FGF18: variants seen among roughly 807,000 people sequenced by gnomAD.
The protein encoded by FGF18 is fibroblast growth factor 18.
A neutral mutation model predicts 23.0 loss-of-function variants in FGF18; 5 were observed. That is an observed-to-expected ratio of 0.22 (90% CI 0.11 to 0.46). FGF18 has a LOEUF of 0.46. Among genes scored for constraint, FGF18 ranks in the 20% least tolerant of loss-of-function variants. The pLI is 0.99. For synonymous variants in FGF18, 117 were observed against 118.9 expected (o/e 0.98, Z 0.10); for missense variants, 180 against 291.6 (o/e 0.62, Z 2.79).
intron 3 of FGF18, among the ~76,000 whole-genome samples, chr5:171,448,557 T>A (rs1219070678): frequency 6.6e-6 from 1 of 152,102 alleles, no homozygotes; most frequent in African/African-American, 2.4e-5. Context: ...TCTGTCCCCT[T>A]GGTCCCCTTA....
intron 2 of FGF18, among the ~76,000 whole-genome samples, chr5:171,424,612 G>C (rs1772064131): frequency 6.6e-6 from 1 of 152,224 alleles, no homozygotes; most frequent in Non-Finnish European, 1.5e-5. Flanking sequence ...GGCCCATGGA[G>C]TCCTTAGAGA....
At chr5:171,449,359 C>CAGTGTG (rs1772459789) in intron 4 of FGF18, 106 bp downstream of exon 4, 3 of 246,440 alleles carry the variant, frequency 1.2e-5, no homozygotes, top group East Asian at 9.9e-5. Context: ...GGAAAACAGG[C>CAGTGTG]CGTGTGTGTG....
chr5:171,422,731 C>T (rs2113325298), intron 2 of FGF18, among the ~76,000 whole-genome samples: 1 of 152,264 alleles, frequency 6.6e-6, no homozygotes, highest in South Asian at 2.1e-4. Context: ...GGGTAGGCTG[C>T]ACTTAGCGGG....
chr5:171,430,943 A>G (rs977557886), intron 2 of FGF18, among the ~76,000 whole-genome samples: 1 of 152,206 alleles, frequency 6.6e-6, no homozygotes, highest in Admixed American at 6.5e-5. Flanking sequence ...CTGGGGGTGA[A>G]GCCAGGTGAC....
chr5:171,429,296 TC>T (rs530099033), intron 2 of FGF18, among the ~76,000 whole-genome samples: 49 of 152,338 alleles, frequency 3.2e-4, no homozygotes, highest in African/African-American at 9.4e-4. Context: ...CTCTGTGTCT[TC>T]CTTTGTCACC....
chr5:171,441,696 G>T (rs1170507473), intron 3 of FGF18, among the ~76,000 whole-genome samples: 1 of 152,168 alleles, frequency 6.6e-6, no homozygotes, highest in Non-Finnish European at 1.5e-5. Context: ...TGGAGGTTTT[G>T]TCTGTTTTGC....
At chr5:171,430,375 A>G (rs1183162076) in intron 2 of FGF18, among the ~76,000 whole-genome samples, 1 of 151,822 alleles carries the variant, frequency 6.6e-6, no homozygotes, top group African/African-American at 2.4e-5. Flanking sequence ...AAAAAAAAAA[A>G]ATTGTACCAA....
chr5:171,428,173 C>A (rs893447128), intron 2 of FGF18, among the ~76,000 whole-genome samples: 3 of 152,226 alleles, frequency 2.0e-5, no homozygotes, highest in African/African-American at 7.2e-5. Flanking sequence ...AGGTCTGACC[C>A]CTGCTGCAGG....
chr5:171,437,439 C>T (rs537296218), intron 3 of FGF18, among the ~76,000 whole-genome samples: 4 of 152,304 alleles, frequency 2.6e-5, no homozygotes, highest in East Asian at 3.9e-4. Context: ...TGTGCACCTC[C>T]GGGCCAGCTG....
chr5:171,450,996 T>C (rs73327284), intron 4 of FGF18, among the ~76,000 whole-genome samples: 38,669 of 151,852 alleles, frequency 0.25, 5,121 homozygotes, highest in East Asian at 0.47. Flanking sequence ...TCCCGGCATC[T>C]TGACCCCAGG....
At chr5:171,437,789 G>T (rs1332468272) in intron 3 of FGF18, among the ~76,000 whole-genome samples, 1 of 152,178 alleles carries the variant, frequency 6.6e-6, no homozygotes, top group Middle Eastern at 3.2e-3. Context: ...AGGAGGAGGT[G>T]CCCTTCTGGG....
intron 3 of FGF18, among the ~76,000 whole-genome samples, chr5:171,446,109 G>T (rs894088455): frequency 6.6e-6 from 1 of 152,188 alleles, no homozygotes; most frequent in Admixed American, 6.5e-5. Context: ...TCCTCATGAT[G>T]TCATGTGCTG....
At chr5:171,452,880 A>G (rs2113366628) in intron 4 of FGF18, among the ~76,000 whole-genome samples, 1 of 152,300 alleles carries the variant, frequency 6.6e-6, no homozygotes, top group African/African-American at 2.4e-5. Context: ...CAACAACAAC[A>G]AAAACCAACA....
chr5:171,441,296 A>G (rs914419327), intron 3 of FGF18, among the ~76,000 whole-genome samples: 10 of 152,324 alleles, frequency 6.6e-5, no homozygotes, highest in African/African-American at 2.4e-4. Flanking sequence ...TGCACAGCTC[A>G]GAGGTGCTCA....
chr5:171,443,135 C>CTTT (rs551889632), intron 3 of FGF18, among the ~76,000 whole-genome samples: 39,240 of 147,042 alleles, frequency 0.27, 5,478 homozygotes, highest in African/African-American at 0.36. Context: ...CATTCACACA[C>CTTT]TTTTTTTTTT....
rs529045086 is a variant in FGF18 at position 171,419,850 on chromosome 5, C to A, written c.-350C>A. ...ACCCGCCGCGCATGCTGTCCCCGGA[C>A]TGAGCCGGGCAGCCAGCCTCCCACG... On this transcript the variant is annotated 5_prime_UTR_variant, in exon 1 of 5. It adds an upstream start codon to the 5' untranslated region. Transcript: ENST00000274625. 6 of 153,464 alleles carry A rather than the reference C, an allele frequency of 3.9e-5. No individual in the cohort carries two copies. The highest frequency in any genetic ancestry group is 1.4e-4 in the African/African-American group (6 of 41,494). The allele number at this position is 153,464 out of a possible 1,614,324, so 9.5% of individuals were successfully genotyped here. A position where few individuals can be genotyped will look rare whatever the true frequency, so the allele number is the denominator to read the frequency against.
chr5:171,444,300 A>T (rs956710942), intron 3 of FGF18, among the ~76,000 whole-genome samples: 1 of 152,220 alleles, frequency 6.6e-6, no homozygotes, highest in Non-Finnish European at 1.5e-5. Flanking sequence ...GGCAAAGCCC[A>T]AGACTTCTGG....
chr5:171,426,734 C>T (rs188821220), intron 2 of FGF18, among the ~76,000 whole-genome samples: 181 of 152,366 alleles, frequency 1.2e-3, no homozygotes, highest in East Asian at 3.5e-3. Flanking sequence ...TTGATTTACC[C>T]GCCTGGGTAT....
At chr5:171,438,887 C>G (rs1382405266) in intron 3 of FGF18, among the ~76,000 whole-genome samples, 1 of 152,070 alleles carries the variant, frequency 6.6e-6, no homozygotes, top group Non-Finnish European at 1.5e-5. Context: ...TAGGGGCCTG[C>G]CTTGTCTCAG....
Sources: gnomAD v4.1 joint callset for allele counts (sites outside exome capture counted in the v4.1 genomes callset) on GRCh38, gnomAD v4.1.1 for gene constraint, MANE v1.5 for transcripts, NCBI Gene and HGNC (gene_info 2026-07-23, HGNC 2026-07-21) for gene names.